The following GUCY1A2 variants were observed in gnomAD, a reference collection of about 807,000 sequenced individuals.
The protein encoded by GUCY1A2 is guanylate cyclase soluble subunit alpha-2.
In GUCY1A2, 27 loss-of-function variants were observed where a neutral mutation model predicts 63.5. The observed-to-expected ratio is 0.43, with a 90% CI of 0.31 to 0.59. The LOEUF (loss-of-function observed/expected upper bound fraction) is 0.59, where lower values mean the gene tolerates loss of function less well. Among genes scored for constraint, GUCY1A2 ranks in the 20% least tolerant of loss-of-function variants. The pLI is 0.11. For missense variants in GUCY1A2, 768 were observed against 913.3 expected (o/e 0.84, Z 2.05); for synonymous variants, 364 against 343.5 (o/e 1.06, Z -0.66).
At chr11:106,839,255 T>C (rs973540890) in intron 4 of GUCY1A2, among the ~76,000 whole-genome samples, 1 of 152,042 alleles carries the variant, frequency 6.6e-6, no homozygotes, top group Admixed American at 6.6e-5. Context: ...TTTCTTGTTT[T>C]TGTCAGGTTT....
At chr11:106,929,387 C>T (rs1288237233) in intron 4 of GUCY1A2, among the ~76,000 whole-genome samples, 1 of 152,074 alleles carries the variant, frequency 6.6e-6, no homozygotes, top group Non-Finnish European at 1.5e-5. Flanking sequence ...ATTTTAAAAG[C>T]CACTATGTAC....
intron 6 of GUCY1A2, among the ~76,000 whole-genome samples, chr11:106,747,776 T>C (rs1863815178): frequency 6.6e-6 from 1 of 152,114 alleles, no homozygotes; most frequent in Non-Finnish European, 1.5e-5. Flanking sequence ...TGGGGTGGGA[T>C]GGGGAGGTCG....
At chr11:106,999,214 T>C (rs1457081887) in intron 1 of GUCY1A2, among the ~76,000 whole-genome samples, 1 of 152,210 alleles carries the variant, frequency 6.6e-6, no homozygotes, top group Non-Finnish European at 1.5e-5. Context: ...GGGAGAGTCT[T>C]ACAGCAGATT....
intron 1 of GUCY1A2, among the ~76,000 whole-genome samples, chr11:107,014,181 C>G (rs994164750): frequency 6.8e-6 from 1 of 148,054 alleles, no homozygotes; most frequent in East Asian, 2.0e-4. Context: ...CTCTGCCTCC[C>G]GGGTTCAAGC....
chr11:106,946,756 T>C (rs745882631), intron 3 of GUCY1A2, among the ~76,000 whole-genome samples: 2 of 152,284 alleles, frequency 1.3e-5, no homozygotes, highest in Middle Eastern at 3.4e-3. Context: ...GGTTTCTTTT[T>C]GGAGTGATGA....
At chr11:106,830,213 T>C (rs1859031538) in intron 4 of GUCY1A2, among the ~76,000 whole-genome samples, 1 of 152,216 alleles carries the variant, frequency 6.6e-6, no homozygotes. Flanking sequence ...GTGATAGCAC[T>C]TGGGTTGGGG....
At chr11:106,826,456 T>C (rs1591292398) in intron 4 of GUCY1A2, 3 of 1,580,756 alleles carry the variant, frequency 1.9e-6, no homozygotes, top group Non-Finnish European at 1.7e-6. Context: ...TGATGAAAGA[T>C]TCATTTGGTT....
At chr11:106,758,338 C>T (rs374491485) in intron 6 of GUCY1A2, among the ~76,000 whole-genome samples, 26 of 152,312 alleles carry the variant, frequency 1.7e-4, no homozygotes, top group Admixed American at 5.9e-4. Flanking sequence ...CTGCTGGTTG[C>T]GAACACAGTG....
intron 4 of GUCY1A2, among the ~76,000 whole-genome samples, chr11:106,872,079 C>G (rs924138031): frequency 1.3e-5 from 2 of 151,944 alleles, no homozygotes; most frequent in Non-Finnish European, 2.9e-5. Flanking sequence ...AAAACATAAG[C>G]GGTTGATAAC....
At position 106,687,643 on chromosome 11, in the gene GUCY1A2, C is replaced by T. The variant is rs776371580; in HGVS notation, c.2105G>A (p.Gly702Asp). 3.7e-6 allele frequency: 6 copies of T among 1,613,708 alleles called. No homozygotes were observed. The South Asian group carries it at 5.5e-5, about 15-fold the overall frequency. The change falls in exon 8 of 8, where the codon GGT (glycine) becomes GAT (aspartate). Residue 702 changes from glycine (G) to aspartate (D), a missense_variant. This residue lies in a region of GUCY1A2 where 150 missense variants were observed against 188.3 expected (regional missense o/e 0.80). Coordinates refer to ENST00000526355, the MANE Select transcript of GUCY1A2 (RefSeq NM_000855.3). ...GICYFLEVRT[G>D]PKPPKPSLSS... ...AAGAGAAGGCTTTGGTGGCTTTGGA[C>T]CAGTCCTTACCTCCAGGAAATAGCA... is the stretch of plus-strand genomic sequence containing the variant.
rs1860732230 is a variant in GUCY1A2 at position 106,940,028 on chromosome 11, G to T, written c.638C>A (p.Ser213Tyr). 1 of 1,613,998 alleles carries T rather than the reference G, an allele frequency of 6.2e-7. No homozygotes were observed. Among genetic ancestry groups the T allele is most frequent in the Non-Finnish European group, 8.5e-7 (1 of 1,179,940 alleles). The change falls in exon 4 of 8, where the codon TCT (serine) becomes TAT (tyrosine). Residue 213 changes from serine to tyrosine, a missense_variant. Around this residue, in one of 3 missense-constraint regions of GUCY1A2, gnomAD observed 496 missense variants for 486.9 expected, o/e 1.02. Transcript: ENST00000526355. Reference sequence around the variant, plus strand: ...CTCCAGAGTGGCCTGTTTTCCAAAAGAAGTTCTAATGTGTTCCAACAAAGC... The same window carrying T: ...CTCCAGAGTGGCCTGTTTTCCAAAATAAGTTCTAATGTGTTCCAACAAAGC... ...FDALLEHIRTSFGKQATLESP... is the reference protein window; with the variant it reads ...FDALLEHIRTYFGKQATLESP...
chr11:106,715,821 G>T (rs1565267446), intron 6 of GUCY1A2, among the ~76,000 whole-genome samples: 1 of 152,156 alleles, frequency 6.6e-6, no homozygotes, highest in Non-Finnish European at 1.5e-5. Context: ...AGTATAAACA[G>T]AAATAAGTCT....
In GUCY1A2 at chr11:106,939,460, CTTGTCT is replaced by C; in HGVS notation, c.1200_1205del (p.Asp401_Lys402del). The stretch of plus-strand genomic sequence containing the variant: ...ACCATCTCAAGTCCATAGCACTTAC[CTTGTCT>C]TTATTTTCAGAGCCAGAAGCCTCAG... On this transcript the variant is annotated inframe_deletion and splice_region_variant, in exon 4 of 8. Coordinates refer to ENST00000526355, the MANE Select transcript of GUCY1A2 (RefSeq NM_000855.3). The C allele has an allele frequency of 6.5e-7, 1 of 1,533,468 alleles. No individual in the cohort carries two copies. The highest frequency in any genetic ancestry group is 1.7e-4 in the Middle Eastern group (1 of 5,886). The allele number at this position is 1,533,468 out of a possible 1,614,324, so 95.0% of individuals were successfully genotyped here.
chr11:106,809,286 G>A (rs992439158), intron 5 of GUCY1A2, among the ~76,000 whole-genome samples: 7 of 152,032 alleles, frequency 4.6e-5, no homozygotes, highest in African/African-American at 1.4e-4. Flanking sequence ...TGCAATCTAC[G>A]TAAGATTCTA....
intron 7 of GUCY1A2, among the ~76,000 whole-genome samples, chr11:106,690,887 C>G (rs543107903): frequency 6.6e-6 from 1 of 152,246 alleles, no homozygotes; most frequent in African/African-American, 2.4e-5. Context: ...GATAGCTCTC[C>G]ATCACAAAAC....
chr11:107,008,152 G>A lies in GUCY1A2; in HGVS notation c.303+9601C>T, dbSNP rs185025394. Among the ~76,000 whole-genome samples the A allele has an allele frequency of 8.7e-5, 13 of 149,284 alleles. 3 individuals carry two copies. The East Asian group carries it at 2.3e-3, about 27-fold the overall frequency. On this transcript the variant is annotated intron_variant, in intron 1 of 7. Transcript: ENST00000526355. ...AAATTAGCCAGGCATGGTGGCATGC[G>A]CCTGTAATTCCAACTACCCAGGAGG...
At chr11:106,833,581 T>G (rs1859079181) in intron 4 of GUCY1A2, among the ~76,000 whole-genome samples, 1 of 152,116 alleles carries the variant, frequency 6.6e-6, no homozygotes, top group Non-Finnish European at 1.5e-5. Context: ...ATCATGATGA[T>G]AGGATGCTAG....
intron 4 of GUCY1A2, among the ~76,000 whole-genome samples, chr11:106,890,829 T>C (rs1375634233): frequency 6.6e-6 from 1 of 152,134 alleles, no homozygotes; most frequent in Non-Finnish European, 1.5e-5. Context: ...TTCCACCACA[T>C]TGCAATGATG....
chr11:106,976,093 A>G (rs1861258149), intron 3 of GUCY1A2, among the ~76,000 whole-genome samples: 1 of 152,182 alleles, frequency 6.6e-6, no homozygotes, highest in African/African-American at 2.4e-5. Context: ...AAATAAGTGA[A>G]TAAACGAACA....
Sources: allele counts gnomAD v4.1 joint callset (sites outside exome capture counted in the v4.1 genomes callset), GRCh38; gene constraint gnomAD v4.1.1; regional missense constraint gnomAD v4.1.1; transcripts MANE v1.5; gene names NCBI Gene and HGNC (gene_info 2026-07-23, HGNC 2026-07-21).